SRGAP3: variants seen among roughly 807,000 people sequenced by gnomAD.
SRGAP3 encodes the protein SLIT-ROBO Rho GTPase activating protein 3.
Under a neutral mutation model 121.1 loss-of-function variants are expected in SRGAP3, and 39 were observed. That is an observed-to-expected ratio of 0.32 (90% CI 0.25 to 0.42). The LOEUF is 0.42. Ranked by LOEUF, SRGAP3 falls within the 10% of genes least tolerant of loss-of-function variation. The pLI is 1.00. For synonymous variants in SRGAP3, 601 were observed against 570.0 expected, an observed-to-expected ratio of 1.05 and a Z score of -0.77; for missense variants, 1,213 against 1,470.6, an observed-to-expected ratio of 0.82 and a Z score of 2.86.
intron 1 of SRGAP3, among the ~76,000 whole-genome samples, chr3:9,222,088 G>C (rs951278521): frequency 1.3e-5 from 2 of 152,170 alleles, no homozygotes; most frequent in African/African-American, 4.8e-5. Flanking sequence ...ACTGGTTCAG[G>C]AATGGCCTAG....
intron 3 of SRGAP3, among the ~76,000 whole-genome samples, chr3:9,262,831 G>A (rs1954282931): frequency 6.6e-6 from 1 of 152,102 alleles, no homozygotes; most frequent in Non-Finnish European, 1.5e-5. Flanking sequence ...AAATTAACAA[G>A]GATATTCAGG....
At chr3:9,254,865 G>C (rs1559245421) in intron 3 of SRGAP3, among the ~76,000 whole-genome samples, 1 of 148,834 alleles carries the variant, frequency 6.7e-6, no homozygotes, top group Non-Finnish European at 1.5e-5. Flanking sequence ...GAAGGAAAGA[G>C]AGAGAGAGAA....
At chr3:9,203,446 C>T (rs965222370) in intron 1 of SRGAP3, among the ~76,000 whole-genome samples, 1 of 152,202 alleles carries the variant, frequency 6.6e-6, no homozygotes, top group East Asian at 1.9e-4. Flanking sequence ...GTTCATTTAT[C>T]AAATATTAAC....
intron 3 of SRGAP3, among the ~76,000 whole-genome samples, chr3:9,254,893 A>AG (rs1172932826): frequency 8.7e-5 from 13 of 148,874 alleles, no homozygotes; most frequent in East Asian, 1.9e-4. Context: ...GAGAAAGAAA[A>AG]GAAAGGAAGG....
intron 3 of SRGAP3, among the ~76,000 whole-genome samples, chr3:9,307,947 G>C (rs1955184498): frequency 1.3e-5 from 2 of 152,236 alleles, no homozygotes; most frequent in South Asian, 4.1e-4. Flanking sequence ...TTAAGGTCAG[G>C]AGTTCGAGAC....
At chr3:8,988,053 A>AC (rs1398066869) in intron 21 of SRGAP3, among the ~76,000 whole-genome samples, 2 of 152,170 alleles carry the variant, frequency 1.3e-5, no homozygotes, top group Non-Finnish European at 2.9e-5. Flanking sequence ...AGTAAGCAGA[A>AC]AGACAGGAAG....
At chr3:9,166,389 T>C (rs1350866560) in intron 1 of SRGAP3, among the ~76,000 whole-genome samples, 1 of 152,230 alleles carries the variant, frequency 6.6e-6, no homozygotes, top group African/African-American at 2.4e-5. Context: ...TTATCCTCTT[T>C]GTTCACAAAG....
chr3:9,232,700 G>C (rs1559230636), intron 1 of SRGAP3, among the ~76,000 whole-genome samples: 1 of 152,122 alleles, frequency 6.6e-6, no homozygotes, highest in Non-Finnish European at 1.5e-5. Context: ...TGAAATCTGA[G>C]GCACTTGTAA....
intron 3 of SRGAP3, among the ~76,000 whole-genome samples, chr3:9,265,508 GA>G (rs1459863256): frequency 2.6e-5 from 4 of 151,514 alleles, no homozygotes; most frequent in Admixed American, 2.6e-4. Flanking sequence ...AATCTACAAG[GA>G]ACTTAAGCAA....
chr3:9,044,663 C>T (rs949477280), intron 10 of SRGAP3, among the ~76,000 whole-genome samples: 5 of 152,160 alleles, frequency 3.3e-5, no homozygotes, highest in East Asian at 1.9e-4. Context: ...AGCCCTCATA[C>T]GGCATAAAAA....
chr3:9,015,476 G>T, intron 15 of SRGAP3, 121 bp downstream of exon 15: 1 of 1,279,480 alleles, frequency 7.8e-7, no homozygotes, highest in Non-Finnish European at 1.1e-6. Context: ...CTACGAGGAT[G>T]CACGTCACAC....
Position 9,166,279 on chromosome 3 carries a change from G to A in SRGAP3, c.68-41362C>T, listed in dbSNP as rs1199229869. Among the ~76,000 whole-genome samples, 3 of 152,138 alleles carry A rather than the reference G, an allele frequency of 2.0e-5. No individual in the cohort carries two copies. The East Asian group carries it at 5.8e-4, about 29-fold the overall frequency. On this transcript the variant is annotated intron_variant, in intron 1 of 21. Transcript: ENST00000383836. ...CATTTCCTTCACCTCTGTAACCCCAGTACCTAACATAGAAGTGTTCTGTGA... is the reference window on the plus strand; with the variant it reads ...CATTTCCTTCACCTCTGTAACCCCAATACCTAACATAGAAGTGTTCTGTGA...
At chr3:9,013,592 T>G (rs1943480169) in intron 16 of SRGAP3, 57 bp from the exon 17 acceptor site, 1 of 1,590,324 alleles carries the variant, frequency 6.3e-7, no homozygotes, top group African/African-American at 1.3e-5. Flanking sequence ...TCCCCCTGTG[T>G]TTTTTTTCTT....
At chr3:9,063,897 A>G (rs551829709) in intron 5 of SRGAP3, among the ~76,000 whole-genome samples, 1 of 152,258 alleles carries the variant, frequency 6.6e-6, no homozygotes, top group Admixed American at 6.5e-5. Context: ...TAACTCTCTC[A>G]TCTTTGAATT....
At chr3:9,302,577 T>C (rs1249499153) in intron 3 of SRGAP3, among the ~76,000 whole-genome samples, 4 of 152,170 alleles carry the variant, frequency 2.6e-5, no homozygotes, top group African/African-American at 4.8e-5. Context: ...ACCTGGAGCC[T>C]GTGGGTGGCT....
At chr3:9,180,698 G>A (rs577655935) in intron 1 of SRGAP3, among the ~76,000 whole-genome samples, 7 of 152,278 alleles carry the variant, frequency 4.6e-5, no homozygotes, top group Non-Finnish European at 7.4e-5. Flanking sequence ...CATCTGCTCC[G>A]CGAATCTGTC....
At chr3:8,990,876 A>G (rs1942017366) in intron 20 of SRGAP3, 37 bp from the exon 21 acceptor site, 3 of 1,466,604 alleles carry the variant, frequency 2.0e-6, no homozygotes, top group Non-Finnish European at 2.7e-6. Flanking sequence ...CATGGGGCAG[A>G]GGTCAAGCCT....
intron 2 of SRGAP3, among the ~76,000 whole-genome samples, chr3:9,111,387 C>T (rs922885793): frequency 2.6e-5 from 4 of 152,084 alleles, no homozygotes; most frequent in Non-Finnish European, 5.9e-5. Context: ...GGTGGGCTGG[C>T]GGGAGAAGGC....
chr3:9,347,229 G>A (rs1339322567), intron 1 of SRGAP3, among the ~76,000 whole-genome samples: 2 of 152,148 alleles, frequency 1.3e-5, no homozygotes. Context: ...GCAGTGGCGT[G>A]ATCATGGCTC....
Sources: gnomAD v4.1 joint callset for allele counts (sites outside exome capture counted in the v4.1 genomes callset) on GRCh38, gnomAD v4.1.1 for gene constraint, MANE v1.5 for transcripts, NCBI Gene and HGNC (gene_info 2026-07-23, HGNC 2026-07-21) for gene names.